The following IGF2BP3 variants were observed in gnomAD, a reference collection of about 807,000 sequenced individuals.
The protein encoded by IGF2BP3 is insulin-like growth factor 2 mRNA-binding protein 3.
IGF2BP3 carries 9 observed loss-of-function variants against 73.8 expected under a neutral mutation model. That is an observed-to-expected ratio of 0.12 (90% CI 0.07 to 0.21). IGF2BP3 has a LOEUF of 0.21. Among genes scored for constraint, IGF2BP3 ranks in the 10% least tolerant of loss-of-function variants. The pLI, the probability that IGF2BP3 is intolerant of heterozygous loss-of-function variation, is 1.00. For synonymous variants in IGF2BP3, 258 were observed against 256.7 expected (o/e 1.01, Z -0.05); for missense variants, 542 against 714.0 (o/e 0.76, Z 2.75).
chr7:23,346,561 T>C (rs1784831959), intron 7 of IGF2BP3, among the ~76,000 whole-genome samples: 2 of 152,024 alleles, frequency 1.3e-5, no homozygotes, highest in Admixed American at 6.5e-5. Context: ...TAAAATGTCA[T>C]TGTGGTTAAT....
intron 5 of IGF2BP3, among the ~76,000 whole-genome samples, chr7:23,355,690 C>T (rs996162807): frequency 7.9e-5 from 12 of 152,038 alleles, no homozygotes; most frequent in Admixed American, 1.3e-4. Context: ...CCCAACACTT[C>T]GGGAGACCAA....
At chr7:23,435,707 C>T (rs1005589449) in intron 2 of IGF2BP3, among the ~76,000 whole-genome samples, 3 of 152,118 alleles carry the variant, frequency 2.0e-5, no homozygotes, top group African/African-American at 4.8e-5. Context: ...CCACCCACCT[C>T]GGCCTCCCAA....
At chr7:23,337,057 C>T (rs1466790955) in intron 10 of IGF2BP3, among the ~76,000 whole-genome samples, 1 of 152,010 alleles carries the variant, frequency 6.6e-6, no homozygotes, top group African/African-American at 2.4e-5. Flanking sequence ...AAGTGGTGAC[C>T]ACTAGGTACA....
intron 2 of IGF2BP3, among the ~76,000 whole-genome samples, chr7:23,445,740 T>C (rs904384702): frequency 2.0e-5 from 3 of 152,130 alleles, no homozygotes; most frequent in Non-Finnish European, 4.4e-5. Flanking sequence ...GTTAGACTGG[T>C]ATGGAAAAAA....
At chr7:23,384,095 CA>C (rs35378177) in intron 3 of IGF2BP3, among the ~76,000 whole-genome samples, 7,446 of 62,412 alleles carry the variant, frequency 0.12, 245 homozygotes, top group East Asian at 0.24. Flanking sequence ...GACTCCATCT[CA>C]AAAAAAAAAA....
chr7:23,338,845 A>G (rs988023254), intron 10 of IGF2BP3, among the ~76,000 whole-genome samples: 3 of 152,244 alleles, frequency 2.0e-5, no homozygotes, highest in Non-Finnish European at 4.4e-5. Context: ...AGAAATAAAA[A>G]CAGTAATATA....
chr7:23,351,435 G>C lies in IGF2BP3; in HGVS notation c.553C>G (p.Pro185Ala). ...GGTTTCTGCTTGGATACGGATCCTGGAGACCCCTGCCTTGAGGAGCCCCTC... is the reference window on the plus strand; with the variant it reads ...GGTTTCTGCTTGGATACGGATCCTGCAGACCCCTGCCTTGAGGAGCCCCTC... ...GQRGSSRQGS[P>A]GSVSKQKPCD... The change falls in exon 6 of 15, where the codon CCA (proline) becomes GCA (alanine). Residue 185 changes from proline to alanine, a missense_variant. Coordinates refer to ENST00000258729, the MANE Select transcript of IGF2BP3 (RefSeq NM_006547.3). 4 of 1,613,692 alleles carry C rather than the reference G, an allele frequency of 2.5e-6. No homozygotes were observed. The highest frequency in any genetic ancestry group is 3.4e-6 in the Non-Finnish European group (4 of 1,179,842).
At chr7:23,381,603 G>A (rs374598938) in intron 3 of IGF2BP3, among the ~76,000 whole-genome samples, 1 of 151,860 alleles carries the variant, frequency 6.6e-6, no homozygotes, top group Non-Finnish European at 1.5e-5. Context: ...GAGTCTCACT[G>A]TGTCACCCAG....
chr7:23,319,791 C>T (rs889882989), intron 10 of IGF2BP3, among the ~76,000 whole-genome samples: 1 of 152,210 alleles, frequency 6.6e-6, no homozygotes, highest in Non-Finnish European at 1.5e-5. Context: ...TTACCACTGT[C>T]ATTCAATAGT....
chr7:23,409,995 C>A (rs1014280823), intron 3 of IGF2BP3, among the ~76,000 whole-genome samples: 11 of 152,062 alleles, frequency 7.2e-5, no homozygotes, highest in Admixed American at 4.6e-4. Context: ...ATGGTGAAAC[C>A]CCATCTCTAC....
intron 3 of IGF2BP3, among the ~76,000 whole-genome samples, chr7:23,375,618 C>T (rs1231743128): frequency 6.6e-6 from 1 of 152,120 alleles, no homozygotes; most frequent in Admixed American, 6.6e-5. Flanking sequence ...CAGAACAAAG[C>T]CTGATTACAA....
chr7:23,416,418 G>A (rs528670587), intron 3 of IGF2BP3, among the ~76,000 whole-genome samples: 2 of 152,224 alleles, frequency 1.3e-5, no homozygotes, highest in African/African-American at 4.8e-5. Context: ...AGGATGTCCT[G>A]TGGAATATCC....
chr7:23,397,306 G>A (rs117804920), intron 3 of IGF2BP3, among the ~76,000 whole-genome samples: 2 of 152,350 alleles, frequency 1.3e-5, no homozygotes. Context: ...AGAAGAGGCA[G>A]AAGCAAGGAC....
intron 12 of IGF2BP3, among the ~76,000 whole-genome samples, chr7:23,317,372 G>A (rs2128492155): frequency 6.6e-6 from 1 of 152,272 alleles, no homozygotes; most frequent in Admixed American, 6.5e-5. Flanking sequence ...TAAATTTTAA[G>A]GTCTCACCTT....
chr7:23,365,125 C>T (rs111952329), intron 3 of IGF2BP3, among the ~76,000 whole-genome samples: 6 of 152,228 alleles, frequency 3.9e-5, no homozygotes, highest in African/African-American at 1.4e-4. Flanking sequence ...GAGATTGCAC[C>T]ACTGCACTCC....
At chr7:23,430,184 A>T (rs1228388747) in intron 2 of IGF2BP3, among the ~76,000 whole-genome samples, 1 of 151,866 alleles carries the variant, frequency 6.6e-6, no homozygotes, top group Non-Finnish European at 1.5e-5. Flanking sequence ...CCCGGGTTCA[A>T]GCGATTCTCC....
At chr7:23,416,992 G>A (rs1038912965) in intron 3 of IGF2BP3, among the ~76,000 whole-genome samples, 2 of 152,138 alleles carry the variant, frequency 1.3e-5, no homozygotes, top group African/African-American at 4.8e-5. Flanking sequence ...GGAGGCGGAG[G>A]TTGCAGTCAG....
At chr7:23,422,525 A>G (rs898892443) in intron 2 of IGF2BP3, among the ~76,000 whole-genome samples, 2 of 152,206 alleles carry the variant, frequency 1.3e-5, no homozygotes, top group African/African-American at 4.8e-5. Flanking sequence ...ACTGTACTCC[A>G]GCCTGGGCAA....
At chr7:23,341,989 A>G (rs775531522) in intron 10 of IGF2BP3, 75 bp downstream of exon 10, 25 of 1,427,218 alleles carry the variant, frequency 1.8e-5, no homozygotes, top group Admixed American at 8.9e-5. Flanking sequence ...GCATCTAAAC[A>G]GATGATCACG....
Sources: gnomAD v4.1 joint callset for allele counts (sites outside exome capture counted in the v4.1 genomes callset) on GRCh38, gnomAD v4.1.1 for gene constraint, MANE v1.5 for transcripts, NCBI Gene and HGNC (gene_info 2026-07-23, HGNC 2026-07-21) for gene names.